Variants in CLDN2 observed in about 807,000 individuals in gnomAD.
The protein encoded by CLDN2 is claudin 2.
Under a neutral mutation model 8.2 loss-of-function variants are expected in CLDN2, and 1 was observed. The observed-to-expected ratio is 0.12, with a 90% CI of 0.04 to 0.58. The LOEUF is 0.58. Ranked by LOEUF, CLDN2 falls within the 20% of genes least tolerant of loss-of-function variation. The probability of loss-of-function intolerance (pLI) is 0.90; values close to 1 mark genes in which losing one functional copy is unlikely to be tolerated. For missense variants in CLDN2, 108 were observed against 172.9 expected, an observed-to-expected ratio of 0.62 and a Z score of 2.11; for synonymous variants, 70 against 70.2, an observed-to-expected ratio of 1.00 and a Z score of 0.01.
intron 1 of CLDN2, among the ~76,000 whole-genome samples, chrX:106,912,613 G>T (rs181256997): frequency 1.8e-5 from 2 of 109,353 alleles, no homozygotes; most frequent in Non-Finnish European, 1.9e-5. Flanking sequence ...ACACAGTGTC[G>T]CTATGTTGCC....
At position 106,930,074 on chromosome X, in the gene CLDN2, A is replaced by C. The variant is rs1167642904; in HGVS notation, c.*1153A>C. 1 of 123,022 alleles carries C rather than the reference A, an allele frequency of 8.1e-6. No individual in the cohort carries two copies. The highest frequency in any genetic ancestry group is 1.9e-5 in the Non-Finnish European group (1 of 53,205). The allele number at this position is 123,022 out of a possible 1,213,427, so 10.1% of individuals were successfully genotyped here. A position where few individuals can be genotyped will look rare whatever the true frequency, so the allele number is the denominator to read the frequency against. On this transcript the variant is annotated 3_prime_UTR_variant, in exon 2 of 2. Coordinates refer to ENST00000336803, the MANE Select transcript of CLDN2 (RefSeq NM_020384.4). ...ATGGAAAATCAGCTCAAATGAGATC[A>C]GGCCCCCCCAGGGTCCACCCACAGA...
At chrX:106,925,213 T>C (rs1933449832) in intron 1 of CLDN2, among the ~76,000 whole-genome samples, 1 of 111,797 alleles carries the variant, frequency 8.9e-6, no homozygotes, top group Admixed American at 9.5e-5. Flanking sequence ...AAAGTGCTTA[T>C]AATGGTCCCA....
chrX:106,910,956 G>T (rs1442204730), intron 1 of CLDN2, among the ~76,000 whole-genome samples: 2 of 112,299 alleles, frequency 1.8e-5, no homozygotes, highest in East Asian at 5.6e-4. Context: ...AAGACTGAAA[G>T]AAATAGTGCA....
intron 1 of CLDN2, among the ~76,000 whole-genome samples, chrX:106,904,525 G>T (rs1449059874): frequency 8.9e-6 from 1 of 112,214 alleles, no homozygotes; most frequent in African/African-American, 3.2e-5. Context: ...TGCCAAGCAG[G>T]TGCTCACAAT....
At chrX:106,916,732 T>C (rs1298069691), upstream of CLDN2, among the ~76,000 whole-genome samples, 3 of 111,304 alleles carry the variant, frequency 2.7e-5, no homozygotes, top group Non-Finnish European at 5.7e-5. Flanking sequence ...AGGACTGATT[T>C]CAGTTCAAAG....
At chrX:106,909,685 A>C (rs767009414) in intron 1 of CLDN2, among the ~76,000 whole-genome samples, 15 of 112,272 alleles carry the variant, frequency 1.3e-4, no homozygotes, top group African/African-American at 4.2e-4. Flanking sequence ...CATAAATAGC[A>C]AATGGTGCCT....
intron 1 of CLDN2, among the ~76,000 whole-genome samples, chrX:106,911,951 C>T (rs1933252761): frequency 9.0e-6 from 1 of 111,299 alleles, no homozygotes; most frequent in Non-Finnish European, 1.9e-5. Context: ...AGACAGAGCA[C>T]CCAAGATCCC....
chrX:106,903,087 G>C (rs753014114), intron 1 of CLDN2: 1 of 1,193,486 alleles, frequency 8.4e-7, no homozygotes, highest in Admixed American at 2.2e-5. Flanking sequence ...CTCTCAGGAA[G>C]CTCTCAAGCC....
Position 106,921,771 on chromosome X carries a change from T to A in CLDN2, c.-179+1220T>A, listed in dbSNP as rs1053215290. Among the ~76,000 whole-genome samples the A allele has an allele frequency of 4.5e-5, 5 of 112,063 alleles. No homozygotes were observed. The South Asian group carries it at 1.9e-3, about 42-fold the overall frequency. Reference sequence around the variant, plus strand: ...CCCACTAGGGAAGATTAAGTAAGGATCCTAAGTTAAACTTTCTTGCCCAGT... The same window carrying A: ...CCCACTAGGGAAGATTAAGTAAGGAACCTAAGTTAAACTTTCTTGCCCAGT... On this transcript the variant is annotated intron_variant, in intron 1 of 1. Coordinates refer to ENST00000336803, the MANE Select transcript of CLDN2 (RefSeq NM_020384.4).
intron 1 of CLDN2, chrX:106,901,649 A>G (rs779303961): frequency 1.3e-6 from 1 of 780,990 alleles, no homozygotes; most frequent in Non-Finnish European, 1.9e-6. Context: ...GAGACCTTAG[A>G]CATCTCTGGG....
chrX:106,917,174 A>G (rs1018519107), upstream of CLDN2, among the ~76,000 whole-genome samples: 1 of 112,518 alleles, frequency 8.9e-6, no homozygotes, highest in African/African-American at 3.2e-5. Context: ...AGGATAACTG[A>G]AACCACAGAG....
At chrX:106,924,837 G>A (rs181497961) in intron 1 of CLDN2, among the ~76,000 whole-genome samples, 1,613 of 97,472 alleles carry the variant, frequency 0.017, 16 homozygotes, top group Non-Finnish European at 0.025. Flanking sequence ...CTTTCCCAAC[G>A]TTGGGCAGCA....
chrX:106,916,124 T>C (rs775669304), upstream of CLDN2, among the ~76,000 whole-genome samples: 5 of 102,773 alleles, frequency 4.9e-5, no homozygotes, highest in African/African-American at 1.1e-4. Context: ...TATGCAGGAG[T>C]AGCAACAACA....
At position 106,903,307 on chromosome X, in the gene CLDN2, G is replaced by A. The variant is rs1317228639; in HGVS notation, c.-179+2803G>A. Reference sequence around the variant, plus strand: ...GTCCATTCTTAGGGGACCAAAGCCAGTGGGGTCTCCTACTTCCCAGAACCT... The same window carrying A: ...GTCCATTCTTAGGGGACCAAAGCCAATGGGGTCTCCTACTTCCCAGAACCT... On this transcript the variant is annotated intron_variant, in intron 1 of 1. Coordinates refer to the CLDN2 transcript ENST00000541806. 2.4e-5 allele frequency: 28 copies of A among 1,179,708 alleles called. No individual in the cohort carries two copies. The Admixed American group carries it at 6.5e-4, about 28-fold the overall frequency.
chrX:106,912,408 C>CTTT (rs1158258640), intron 1 of CLDN2, among the ~76,000 whole-genome samples: 137 of 67,950 alleles, frequency 2.0e-3, no homozygotes, highest in East Asian at 2.9e-3. Flanking sequence ...TTATGGAACT[C>CTTT]TTTTTTTTTT....
upstream of CLDN2, among the ~76,000 whole-genome samples, chrX:106,914,499 C>T (rs1032768542): frequency 9.0e-6 from 1 of 111,358 alleles, no homozygotes; most frequent in Non-Finnish European, 1.9e-5. Flanking sequence ...ACACTTCAAC[C>T]AAAAACCACA....
chrX:106,928,077 C>G lies in CLDN2; in HGVS notation c.-152C>G. 1 of 427,800 alleles carries G rather than the reference C, an allele frequency of 2.3e-6. No individual in the cohort carries two copies. Among genetic ancestry groups the G allele is most frequent in the African/African-American group, 2.4e-5 (1 of 41,094 alleles). 35.3% of individuals were successfully genotyped at this position (427,800 alleles called of 1,213,427 possible). ...TCTTCTAGATGCCTTCTTGAGGCTG[C>G]TTGTGGCCACCCACAGACACTTGTA... On this transcript the variant is annotated 5_prime_UTR_variant, in exon 2 of 2. Transcript: ENST00000336803.
At chrX:106,924,468 A>T (rs1433547135) in intron 1 of CLDN2, among the ~76,000 whole-genome samples, 1 of 110,410 alleles carries the variant, frequency 9.1e-6, no homozygotes, top group Non-Finnish European at 1.9e-5. Flanking sequence ...GTCAAGAAAG[A>T]CTTGCTAATG....
chrX:106,920,869 T>C (rs1334658150), intron 1 of CLDN2, among the ~76,000 whole-genome samples: 1 of 112,057 alleles, frequency 8.9e-6, no homozygotes, highest in Non-Finnish European at 1.9e-5. Flanking sequence ...TTTACCCCTC[T>C]GCCTAAGTGT....
Sources: gnomAD v4.1 joint callset for allele counts (sites outside exome capture counted in the v4.1 genomes callset) on GRCh38, gnomAD v4.1.1 for gene constraint, MANE v1.5 for transcripts, NCBI Gene and HGNC (gene_info 2026-07-23, HGNC 2026-07-21) for gene names.